RABGAP1L: variants seen among roughly 807,000 people sequenced by gnomAD.
RABGAP1L encodes rab GTPase-activating protein 1-like.
A neutral mutation model predicts 137.7 loss-of-function variants in RABGAP1L; 63 were observed. That is an observed-to-expected ratio of 0.46 (90% CI 0.37 to 0.56). The LOEUF is 0.56. Ranked by LOEUF, RABGAP1L falls within the 20% of genes least tolerant of loss-of-function variation. RABGAP1L has a pLI of 0.00. For synonymous variants in RABGAP1L, 431 were observed against 433.7 expected (o/e 0.99, Z 0.08); for missense variants, 1,095 against 1,244.0 (o/e 0.88, Z 1.80).
At chr1:174,481,084 T>G (rs1484981871) in intron 13 of RABGAP1L, among the ~76,000 whole-genome samples, 3 of 152,180 alleles carry the variant, frequency 2.0e-5, no homozygotes, top group African/African-American at 4.8e-5. Flanking sequence ...AGCTTTAACC[T>G]TCTGTCCTCT....
intron 14 of RABGAP1L, among the ~76,000 whole-genome samples, chr1:174,651,566 A>T (rs1334635597): frequency 6.6e-6 from 1 of 152,116 alleles, no homozygotes; most frequent in African/African-American, 2.4e-5. Flanking sequence ...TTCCTGTTGA[A>T]TTGATCCCTT....
intron 18 of RABGAP1L, among the ~76,000 whole-genome samples, chr1:174,772,206 A>G (rs1686166896): frequency 6.6e-6 from 1 of 151,594 alleles, no homozygotes; most frequent in Non-Finnish European, 1.5e-5. Flanking sequence ...AAAAAAAAAC[A>G]AAAAACAAAA....
At chr1:174,502,605 T>C (rs1180123032) in intron 13 of RABGAP1L, among the ~76,000 whole-genome samples, 1 of 140,784 alleles carries the variant, frequency 7.1e-6, no homozygotes, top group Non-Finnish European at 1.5e-5. Flanking sequence ...TATGTACATA[T>C]ATGTGTGTAT....
intron 19 of RABGAP1L, among the ~76,000 whole-genome samples, chr1:174,848,443 A>G (rs1180524434): frequency 6.2e-5 from 9 of 145,780 alleles, no homozygotes; most frequent in Admixed American, 1.4e-4. Flanking sequence ...TTTTCCTTCT[A>G]ACAGACAGGA....
chr1:174,387,775 T>G (rs1261365539), intron 12 of RABGAP1L, among the ~76,000 whole-genome samples: 3 of 152,076 alleles, frequency 2.0e-5, no homozygotes, highest in Non-Finnish European at 4.4e-5. Context: ...AATAATATTT[T>G]TATTAATGGA....
chr1:174,560,483 C>T (rs1667141690), intron 13 of RABGAP1L, among the ~76,000 whole-genome samples: 1 of 152,188 alleles, frequency 6.6e-6, no homozygotes, highest in East Asian at 1.9e-4. Context: ...GGGGAATCTA[C>T]TTTGTAAGTC....
At chr1:174,865,065 C>T (rs1650966504) in intron 19 of RABGAP1L, among the ~76,000 whole-genome samples, 1 of 152,002 alleles carries the variant, frequency 6.6e-6, no homozygotes, top group South Asian at 2.1e-4. Flanking sequence ...CTGCCGTAAG[C>T]CAAGAGATTG....
At chr1:174,228,983 C>A (rs542075494) in intron 3 of RABGAP1L, among the ~76,000 whole-genome samples, 1 of 151,778 alleles carries the variant, frequency 6.6e-6, no homozygotes, top group East Asian at 1.9e-4. Flanking sequence ...ACAATTGGAC[C>A]TTTGCTGCCT....
intron 18 of RABGAP1L, among the ~76,000 whole-genome samples, chr1:174,797,915 A>G (rs571894525): frequency 7.9e-5 from 12 of 152,152 alleles, no homozygotes; most frequent in African/African-American, 2.9e-4. Context: ...ATCATTTTAC[A>G]TTAAGATCTT....
chr1:174,439,389 C>T (rs961394525), intron 13 of RABGAP1L, among the ~76,000 whole-genome samples: 2 of 152,174 alleles, frequency 1.3e-5, no homozygotes, highest in Admixed American at 1.3e-4. Context: ...ATATGTTTCA[C>T]TTCAGAGGGT....
rs370651815 is a variant in RABGAP1L, at chr1:174,637,392, T to C, written c.1728T>C (p.Ser576=). ...TTTTTTAGGACTCAGCCCAGGAGAG[T>C]GTTATTACTCGAGATATTCATCGTA... ...ILITKDSAQE[S]VITRDIHRTF... is the part of the protein sequence containing the mutation. Residue 576 remains serine (S), a synonymous_variant, in exon 14 of 26, where the codon AGT becomes AGC. Coordinates refer to ENST00000681986, the MANE Select transcript of RABGAP1L (RefSeq NM_001366446.1). The C allele has an allele frequency of 1.9e-6, 3 of 1,610,732 alleles. No homozygotes were observed. Among genetic ancestry groups the C allele is most frequent in the Non-Finnish European group, 2.5e-6 (3 of 1,177,160 alleles).
chr1:174,327,968 T>TACATAC (rs1680604732), intron 11 of RABGAP1L, among the ~76,000 whole-genome samples: 1 of 14,326 alleles, frequency 7.0e-5, no homozygotes, highest in African/African-American at 6.3e-4. Flanking sequence ...TATATATATA[T>TACATAC]ATATATATAT....
At chr1:174,615,860 G>A (rs921192179) in intron 13 of RABGAP1L, among the ~76,000 whole-genome samples, 2 of 152,202 alleles carry the variant, frequency 1.3e-5, no homozygotes, top group Non-Finnish European at 2.9e-5. Context: ...GCGAGACTCC[G>A]TGGGTGTAGG....
chr1:174,843,249 T>A (rs1693628811), intron 19 of RABGAP1L, among the ~76,000 whole-genome samples: 1 of 150,584 alleles, frequency 6.6e-6, no homozygotes, highest in South Asian at 2.1e-4. Context: ...TTTTATACTT[T>A]AAGTTTTAGG....
chr1:174,717,930 C>T (rs1393169243), intron 17 of RABGAP1L, among the ~76,000 whole-genome samples: 1 of 152,162 alleles, frequency 6.6e-6, no homozygotes, highest in Non-Finnish European at 1.5e-5. Flanking sequence ...AAACTTCAAA[C>T]TGTTATAGTT....
At chr1:174,406,660 G>A (rs912641259) in intron 13 of RABGAP1L, among the ~76,000 whole-genome samples, 4 of 120,674 alleles carry the variant, frequency 3.3e-5, no homozygotes, top group East Asian at 2.4e-4. Context: ...ACTTGCCTGG[G>A]CATGGTGGCT....
intron 19 of RABGAP1L, chr1:174,935,246 A>C (rs1322558307): frequency 6.6e-6 from 1 of 152,204 alleles, no homozygotes; most frequent in Non-Finnish European, 1.5e-5. Context: ...GTTCTCAAGG[A>C]GACTTTTATT....
At chr1:174,967,350 T>TTTTA (rs1403017105) in intron 20 of RABGAP1L, among the ~76,000 whole-genome samples, 4 of 148,928 alleles carry the variant, frequency 2.7e-5, no homozygotes, top group Non-Finnish European at 6.0e-5. Context: ...TTTTTTTTTT[T>TTTTA]TGAGATGGAG....
At chr1:174,770,692 C>G (rs1173607942) in intron 18 of RABGAP1L, among the ~76,000 whole-genome samples, 1 of 152,086 alleles carries the variant, frequency 6.6e-6, no homozygotes, top group African/African-American at 2.4e-5. Context: ...CTTAAAAATC[C>G]CTCTCTGTCT....
Sources: allele counts gnomAD v4.1 joint callset (sites outside exome capture counted in the v4.1 genomes callset), GRCh38; gene constraint gnomAD v4.1.1; transcripts MANE v1.5; gene names NCBI Gene and HGNC (gene_info 2026-07-23, HGNC 2026-07-21).